GRIN2B: variants seen among roughly 807,000 people sequenced by gnomAD.
GRIN2B encodes the protein glutamate receptor ionotropic, NMDA 2B.
GRIN2B carries 5 observed loss-of-function variants against 114.5 expected under a neutral mutation model. That is an observed-to-expected ratio of 0.04 (90% confidence interval 0.02 to 0.09). The LOEUF is 0.09. GRIN2B is among the 10% of genes least tolerant of loss of function. The probability of loss-of-function intolerance (pLI) is 1.00; values close to 1 mark genes in which losing one functional copy is unlikely to be tolerated. For synonymous variants in GRIN2B, 787 were observed against 745.1 expected (o/e 1.06, Z -0.92); for missense variants, 1,108 against 1,943.5 (o/e 0.57, Z 8.08).
chr12:13,784,279 A>G (rs959736153), intron 3 of GRIN2B, among the ~76,000 whole-genome samples: 2 of 146,756 alleles, frequency 1.4e-5, no homozygotes, highest in African/African-American at 2.5e-5. Flanking sequence ...TGTCATAGCT[A>G]TCTATGTAGG....
At chr12:13,765,913 A>C (rs1027724976) in intron 3 of GRIN2B, among the ~76,000 whole-genome samples, 2 of 152,176 alleles carry the variant, frequency 1.3e-5, no homozygotes, top group African/African-American at 4.8e-5. Flanking sequence ...TGAACTGTCT[A>C]TACATCCTTG....
chr12:13,891,130 G>A (rs1462680257), intron 2 of GRIN2B, among the ~76,000 whole-genome samples: 1 of 152,150 alleles, frequency 6.6e-6, no homozygotes, highest in Admixed American at 6.5e-5. Flanking sequence ...ATACTGGATT[G>A]GAACACAATT....
intron 2 of GRIN2B, among the ~76,000 whole-genome samples, chr12:13,957,175 T>C (rs1013924869): frequency 1.3e-5 from 2 of 152,236 alleles, no homozygotes; most frequent in Admixed American, 6.5e-5. Flanking sequence ...ATCTGTCATT[T>C]TCTGTTGCTT....
At chr12:13,605,003 C>T (rs918777642) in intron 10 of GRIN2B, among the ~76,000 whole-genome samples, 1 of 150,200 alleles carries the variant, frequency 6.7e-6, no homozygotes, top group Non-Finnish European at 1.5e-5. Context: ...GCCTGTGATT[C>T]TGGGTCCGTT....
chr12:13,575,157 C>T (rs1295392044), intron 10 of GRIN2B, among the ~76,000 whole-genome samples: 4 of 152,094 alleles, frequency 2.6e-5, no homozygotes, highest in Non-Finnish European at 4.4e-5. Flanking sequence ...TTCTTAGCTA[C>T]AACACCAAAA....
chr12:13,788,911 A>C (rs1864265059), intron 3 of GRIN2B, among the ~76,000 whole-genome samples: 1 of 152,330 alleles, frequency 6.6e-6, no homozygotes, highest in Admixed American at 6.5e-5. Context: ...GACTGCAAGC[A>C]AGTGGAACAT....
At chr12:13,627,664 G>T (rs1196024600) in intron 5 of GRIN2B, among the ~76,000 whole-genome samples, 1 of 152,240 alleles carries the variant, frequency 6.6e-6, no homozygotes, top group East Asian at 1.9e-4. Context: ...TGAGTCTTGG[G>T]TTCAGGCAGG....
At chr12:13,661,629 A>G (rs1488004888) in intron 5 of GRIN2B, among the ~76,000 whole-genome samples, 1 of 152,170 alleles carries the variant, frequency 6.6e-6, no homozygotes, top group African/African-American at 2.4e-5. Flanking sequence ...TTTCGAACTC[A>G]TCCGTGTTCT....
chr12:13,825,417 A>G (rs987589451), intron 3 of GRIN2B, among the ~76,000 whole-genome samples: 23 of 149,712 alleles, frequency 1.5e-4, no homozygotes, highest in African/African-American at 5.6e-4. Context: ...GTTTGATGCA[A>G]TATTCTAGAA....
intron 4 of GRIN2B, among the ~76,000 whole-genome samples, chr12:13,725,571 G>T: frequency 6.6e-6 from 1 of 152,112 alleles, no homozygotes; most frequent in East Asian, 1.9e-4. Flanking sequence ...GATCAAGAAT[G>T]AGGGAAACCA....
intron 9 of GRIN2B, among the ~76,000 whole-genome samples, chr12:13,610,687 A>G (rs529116308): frequency 1.3e-5 from 2 of 152,340 alleles, no homozygotes; most frequent in Admixed American, 1.3e-4. Flanking sequence ...AAGATTTTAT[A>G]AAATACTGCT....
chr12:13,641,413 T>C (rs1342198580), intron 5 of GRIN2B, among the ~76,000 whole-genome samples: 1 of 152,130 alleles, frequency 6.6e-6, no homozygotes, highest in Non-Finnish European at 1.5e-5. Context: ...CCATGTATCT[T>C]TGGGTAGCTC....
At chr12:13,699,648 C>T (rs1426339092) in intron 4 of GRIN2B, among the ~76,000 whole-genome samples, 7 of 151,450 alleles carry the variant, frequency 4.6e-5, no homozygotes, top group African/African-American at 1.7e-4. Flanking sequence ...AGTGAAGTAG[C>T]ATTATCTCAG....
rs1948234313 is a variant in GRIN2B at position 13,538,123 on chromosome 12, C to T, written c.*24660G>A. On this transcript the variant is annotated 3_prime_UTR_variant, in exon 14 of 14. Transcript: ENST00000609686. ...AAGTGTTCAGGGTAGGTTCTACCTT[C>T]CTAGTGATGTATGCAGGGGAAGAGT... 6.6e-6 allele frequency: 1 copy of T among 152,210 alleles called. No individual in the cohort carries two copies. The highest frequency in any genetic ancestry group is 2.4e-5 in the African/African-American group (1 of 41,450). 9.4% of individuals were successfully genotyped at this position (152,210 alleles called of 1,614,324 possible).
At chr12:13,974,273 T>C (rs1324629253) in intron 2 of GRIN2B, among the ~76,000 whole-genome samples, 1 of 152,192 alleles carries the variant, frequency 6.6e-6, no homozygotes, top group East Asian at 1.9e-4. Context: ...TGCAATCCAG[T>C]GGTCTAAGAT....
intron 4 of GRIN2B, among the ~76,000 whole-genome samples, chr12:13,702,599 CG>C (rs1555123792): frequency 6.6e-6 from 1 of 151,900 alleles, no homozygotes; most frequent in Non-Finnish European, 1.5e-5. Context: ...ATCCGCCCTC[CG>C]GGGGGTCCAT....
intron 3 of GRIN2B, among the ~76,000 whole-genome samples, chr12:13,761,008 G>T (rs1271848377): frequency 1.3e-5 from 2 of 152,154 alleles, no homozygotes; most frequent in South Asian, 4.1e-4. Context: ...ATGTTCTCCA[G>T]CCTCACCATT....
At chr12:13,739,245 T>A (rs1333878438) in intron 4 of GRIN2B, among the ~76,000 whole-genome samples, 1 of 151,392 alleles carries the variant, frequency 6.6e-6, no homozygotes, top group Non-Finnish European at 1.5e-5. Context: ...TCGGGCATGG[T>A]GGTGCATGCT....
chr12:13,676,177 T>G (rs1247576603), intron 4 of GRIN2B, among the ~76,000 whole-genome samples: 1 of 151,964 alleles, frequency 6.6e-6, no homozygotes, highest in African/African-American at 2.4e-5. Context: ...CAAGACACAC[T>G]GGGGCCTGTA....
Sources: gnomAD v4.1 joint callset for allele counts (sites outside exome capture counted in the v4.1 genomes callset) on GRCh38, gnomAD v4.1.1 for gene constraint, MANE v1.5 for transcripts, NCBI Gene and HGNC (gene_info 2026-07-23, HGNC 2026-07-21) for gene names.